The following ANAPC4 variants were observed in gnomAD, a reference collection of about 807,000 sequenced individuals.
ANAPC4 encodes anaphase promoting complex subunit 4, also known as anaphase-promoting complex subunit 4.
In ANAPC4, 63 loss-of-function variants were observed where a neutral mutation model predicts 119.8. The observed-to-expected ratio is 0.53, with a 90% confidence interval of 0.43 to 0.65. The LOEUF is 0.65. Among genes scored for constraint, ANAPC4 ranks in the 30% least tolerant of loss-of-function variants. The pLI, the probability that ANAPC4 is intolerant of heterozygous loss-of-function variation, is 0.00. For synonymous variants in ANAPC4, 283 were observed against 318.6 expected, an observed-to-expected ratio of 0.89 and a Z score of 1.19; for missense variants, 716 against 945.1, an observed-to-expected ratio of 0.76 and a Z score of 3.18.
chr4:25,413,650 C>T lies in ANAPC4; in HGVS notation c.1531C>T (p.Pro511Ser), dbSNP rs1316775792. ...CTGTTTTTGTTTGAAACCAGAAAGTCCTTTGCTGTTTCCTTATTATCCTCG... is the reference window on the plus strand; with the variant it reads ...CTGTTTTTGTTTGAAACCAGAAAGTTCTTTGCTGTTTCCTTATTATCCTCG... The part of the protein sequence containing the change: ...LQNSSHLKES[P>S]LLFPYYPRKS... Residue 511 changes from proline to serine, a missense_variant, in exon 22 of 29, where the codon CCT becomes TCT. By Grantham distance (74) the Pro-to-Ser change is moderately conservative. Around this residue, in one of 3 missense-constraint regions of ANAPC4, gnomAD observed 504 missense variants for 615.8 expected, o/e 0.82. Transcript: ENST00000315368. The T allele has an allele frequency of 6.2e-7, 1 of 1,611,156 alleles. No homozygotes were observed. Among genetic ancestry groups the T allele is most frequent in the Non-Finnish European group, 8.5e-7 (1 of 1,178,730 alleles).
chr4:25,404,603 G>A (rs1042647070), intron 17 of ANAPC4, among the ~76,000 whole-genome samples: 4 of 152,030 alleles, frequency 2.6e-5, no homozygotes, highest in Admixed American at 6.6e-5. Flanking sequence ...CTGTAGCACT[G>A]TGGTACTCTT....
intron 2 of ANAPC4, among the ~76,000 whole-genome samples, chr4:25,378,497 T>G (rs573341341): frequency 2.0e-5 from 3 of 152,316 alleles, no homozygotes; most frequent in African/African-American, 4.8e-5. Flanking sequence ...AACTCTGTTG[T>G]GGCTCTAGAG....
chr4:25,414,729 A>G (rs771485245), intron 25 of ANAPC4, 29 bp downstream of exon 25: 21 of 1,457,826 alleles, frequency 1.4e-5, no homozygotes, highest in Non-Finnish European at 1.9e-5. Flanking sequence ...TTTGAATCAA[A>G]GAGATAAGAT....
chr4:25,377,553 C>T lies in ANAPC4; in HGVS notation c.126C>T (p.Gly42=). The T allele has an allele frequency of 6.2e-7, 1 of 1,609,274 alleles. No individual in the cohort carries two copies. The highest frequency in any genetic ancestry group is 1.1e-5 in the South Asian group (1 of 90,474). The change falls in exon 2 of 29, where the codon GGC becomes GGT. Residue 42 remains glycine (G), a synonymous_variant. Transcript: ENST00000315368. ...RDLIALANTA[G]EVLLHRLASF... ...TCATTGCTTTGGCCAACACAGCTGG[C>T]GAGGTGAGTGAGCCGGCGGGAGCCC... is the stretch of plus-strand genomic sequence containing the variant.
intron 18 of ANAPC4, 142 bp from the exon 19 acceptor site, chr4:25,406,687 A>G (rs993716731): frequency 6.1e-6 from 4 of 653,780 alleles, no homozygotes; most frequent in Admixed American, 3.2e-5. Context: ...CGCATAATCT[A>G]TATTTCTTTG....
rs376131064 is a variant in ANAPC4 at position 25,394,919 on chromosome 4, G to A, written c.1061+14G>A. 128 of 1,603,664 alleles carry A rather than the reference G, an allele frequency of 8.0e-5. No individual in the cohort carries two copies. Among genetic ancestry groups the A allele is most frequent in the East Asian group, 1.1e-4 (5 of 44,688 alleles). On this transcript the variant is annotated intron_variant, in intron 14 of 28. Transcript: ENST00000315368. ...TCATTTACAGAGGTATGAAGGTGACGTAGAATTTTTTGGTATTGTATCCAC... is the reference window on the plus strand; with the variant it reads ...TCATTTACAGAGGTATGAAGGTGACATAGAATTTTTTGGTATTGTATCCAC...
At chr4:25,382,908 T>C (rs1355285575) in intron 3 of ANAPC4, among the ~76,000 whole-genome samples, 3 of 152,244 alleles carry the variant, frequency 2.0e-5, no homozygotes, top group Admixed American at 2.0e-4. Flanking sequence ...GCTTACCTTT[T>C]AGACATGTGA....
rs760054452 is a variant in ANAPC4 at position 25,380,357 on chromosome 4, T to C, written c.130-17T>C. 4 of 1,579,572 alleles carry C rather than the reference T, an allele frequency of 2.5e-6. No homozygotes were observed. Among genetic ancestry groups the C allele is most frequent in the Middle Eastern group, 1.7e-4 (1 of 5,976 alleles). On this transcript the variant is annotated splice_polypyrimidine_tract_variant and intron_variant, in intron 2 of 28. Coordinates refer to ENST00000315368, the MANE Select transcript of ANAPC4 (RefSeq NM_013367.3). ...ATGAATTTTTAATTTCCTGCCATTA[T>C]ATCTGCTTTGTCTTAGGTTTTACTT...
In ANAPC4 at chr4:25,418,453, C is replaced by T; in HGVS notation, c.*71C>T. 1.5e-6 allele frequency: 2 copies of T among 1,304,336 alleles called. No homozygotes were observed. The highest frequency in any genetic ancestry group is 1.1e-6 in the Non-Finnish European group (1 of 925,450). 80.8% of individuals were successfully genotyped at this position (1,304,336 alleles called of 1,614,324 possible). A position where few individuals can be genotyped will look rare whatever the true frequency, so the allele number is the denominator to read the frequency against. On this transcript the variant is annotated 3_prime_UTR_variant, in exon 29 of 29. Transcript: ENST00000315368. ...AGGAGATGGACTAAGATGTCTTGGA[C>T]CACCTTTGTGTAACAAAGAAATAAA...
intron 7 of ANAPC4, among the ~76,000 whole-genome samples, chr4:25,389,223 A>T (rs1722207725): frequency 7.0e-6 from 1 of 141,978 alleles, no homozygotes; most frequent in Non-Finnish European, 1.5e-5. Context: ...CAGTGGCGTT[A>T]TCTCGGCTCA....
intron 14 of ANAPC4, among the ~76,000 whole-genome samples, chr4:25,395,702 G>A (rs1247286335): frequency 3.3e-5 from 5 of 151,930 alleles, no homozygotes; most frequent in Admixed American, 6.6e-5. Context: ...CACCTGCCTC[G>A]GCCTCCCAAA....
intron 10 of ANAPC4, among the ~76,000 whole-genome samples, chr4:25,393,294 TA>T (rs566100540): frequency 6.6e-6 from 1 of 152,228 alleles, no homozygotes; most frequent in Admixed American, 6.5e-5. Flanking sequence ...TATGAAATTC[TA>T]AGAATCAATG....
rs147243013 is a variant in ANAPC4, at chr4:25,383,333, C to T, written c.308C>T (p.Ser103Phe). ...GTAGAAAAACCTGAGAGCTTACACT[C>T]TTTTTCTGTGGAGGCTCCAGTTTCC... ...CDVEKPESLH[S>F]FSVEAPVSCM... The change falls in exon 4 of 29, where the codon TCT becomes TTT. Residue 103 changes from serine (S) to phenylalanine (F), a missense_variant. By Grantham distance (155) the Ser-to-Phe change is radical (BLOSUM62 -2). Transcript: ENST00000315368. The T allele has an allele frequency of 1.7e-5, 28 of 1,613,104 alleles. No individual in the cohort carries two copies. In the African/African-American group the frequency reaches 3.3e-4, roughly 19 times the overall value.
chr4:25,383,898 AAGG>A (rs1454825419), intron 4 of ANAPC4, among the ~76,000 whole-genome samples: 2 of 152,214 alleles, frequency 1.3e-5, no homozygotes, highest in Admixed American at 1.3e-4. Flanking sequence ...GCCGAAGGTT[AAGG>A]TGGCTGTGGC....
Position 25,377,514 on chromosome 4 carries a change from G to GC in ANAPC4, c.90dup (p.Lys31GlnfsTer32), listed in dbSNP as rs1560425563. 6.2e-7 allele frequency: 1 copy of GC among 1,613,580 alleles called. No homozygotes were observed. The highest frequency in any genetic ancestry group is 8.5e-7 in the Non-Finnish European group (1 of 1,179,878). Reference sequence around the variant, plus strand: ...AGGAGATTATTTTCCTGGTCTGGTCGCCCAAGCGGGATCTCATTGCTTTGG... The same window carrying GC: ...AGGAGATTATTTTCCTGGTCTGGTCGCCCCAAGCGGGATCTCATTGCTTTGG... On this transcript the variant is annotated frameshift_variant, in exon 2 of 29. Transcript: ENST00000315368. LOFTEE classifies it high-confidence loss of function.
Position 25,409,719 on chromosome 4 carries a change from G to T in ANAPC4, c.1453G>T (p.Asp485Tyr). ...CTAGTACTTGAAAGATGAAGATGAT[G>T]ATCTTGTGTCACCCCCTAACACAGA... Reference protein sequence around the residue: ...VGQYLKDEDDDLVSPPNTEGN... With the variant: ...VGQYLKDEDDYLVSPPNTEGN... Residue 485 changes from aspartate (D) to tyrosine (Y), a missense_variant, in exon 21 of 29, where the codon GAT becomes TAT. Transcript: ENST00000315368. 6 of 1,611,984 alleles carry T rather than the reference G, an allele frequency of 3.7e-6. No homozygotes were observed. Among genetic ancestry groups the T allele is most frequent in the Non-Finnish European group, 3.4e-6 (4 of 1,178,482 alleles).
rs115302876 is a variant in ANAPC4, at chr4:25,400,520, G to A, written c.1215-2451G>A. On this transcript the variant is annotated intron_variant, in intron 16 of 28. Coordinates refer to ENST00000315368, the MANE Select transcript of ANAPC4 (RefSeq NM_013367.3). ...GAGGTTTAAGAATACAAGGAGAGCT[G>A]TGAAGCAGCTGTCTAGTCCAGCAGG... 9.2e-3 allele frequency among the ~76,000 whole-genome samples: 1,407 copies of A among 152,290 alleles called. 19 individuals carry two copies. Among genetic ancestry groups the A allele is most frequent in the African/African-American group, 0.032 (1,338 of 41,544 alleles).
At chr4:25,384,202 G>A (rs1404032565) in intron 4 of ANAPC4, among the ~76,000 whole-genome samples, 2 of 152,124 alleles carry the variant, frequency 1.3e-5, no homozygotes, top group Non-Finnish European at 1.5e-5. Context: ...CTCCTTATCC[G>A]TTCAAGTTTC....
intron 2 of ANAPC4, among the ~76,000 whole-genome samples, chr4:25,377,899 G>A (rs1476697874): frequency 2.6e-5 from 4 of 152,234 alleles, no homozygotes; most frequent in African/African-American, 7.2e-5. Context: ...ACTATGTGCT[G>A]CTCATGAGCT....
Sources: allele counts gnomAD v4.1 joint callset (sites outside exome capture counted in the v4.1 genomes callset), GRCh38; gene constraint gnomAD v4.1.1; regional missense constraint gnomAD v4.1.1; transcripts MANE v1.5; gene names NCBI Gene and HGNC (gene_info 2026-07-23, HGNC 2026-07-21).